Variants in ANKRD1 observed in about 807,000 individuals in gnomAD.
The protein encoded by ANKRD1 is ankyrin repeat domain 1, also known as ankyrin repeat domain-containing protein 1.
ANKRD1 carries 32 observed loss-of-function variants against 40.1 expected under a neutral mutation model. The ratio of observed to expected loss-of-function variants is 0.80; its 90% CI spans 0.60 to 1.07. The LOEUF is 1.07. ANKRD1 is among the 50% of genes least tolerant of loss of function. ANKRD1 has a pLI of 0.00. For synonymous variants in ANKRD1, 149 were observed against 141.2 expected, an observed-to-expected ratio of 1.06 and a Z score of -0.39; for missense variants, 359 against 386.0, an observed-to-expected ratio of 0.93 and a Z score of 0.59.
Position 90,912,118 on chromosome 10 carries a change from T to G in ANKRD1, c.*748A>C, listed in dbSNP as rs1479844832. On this transcript the variant is annotated 3_prime_UTR_variant, in exon 9 of 9. Coordinates refer to ENST00000371697, the MANE Select transcript of ANKRD1 (RefSeq NM_014391.3). Reference sequence around the variant, plus strand: ...AGGTTTAGAGTTTGATTGCCTTTATTATGAATATAAAATGTACATACAATA... The same window carrying G: ...AGGTTTAGAGTTTGATTGCCTTTATGATGAATATAAAATGTACATACAATA... The G allele has an allele frequency of 6.6e-6, 1 of 151,814 alleles. No homozygotes were observed. Among genetic ancestry groups the G allele is most frequent in the Non-Finnish European group, 1.5e-5 (1 of 67,940 alleles). 9.4% of individuals were successfully genotyped at this position (151,814 alleles called of 1,614,324 possible). A position where few individuals can be genotyped will look rare whatever the true frequency, so the allele number is the denominator to read the frequency against.
intron 8 of ANKRD1, among the ~76,000 whole-genome samples, chr10:90,913,807 A>G (rs1297786869): frequency 6.6e-6 from 1 of 152,192 alleles, no homozygotes; most frequent in Non-Finnish European, 1.5e-5. Context: ...TAAGATTAGT[A>G]TGAATTGGCA....
chr10:90,914,893 A>G (rs1197911730), intron 8 of ANKRD1, among the ~76,000 whole-genome samples: 3 of 152,214 alleles, frequency 2.0e-5, no homozygotes, highest in African/African-American at 7.2e-5. Context: ...CTGCTTACAG[A>G]TGAAGTTAAA....
At position 90,912,305 on chromosome 10, in the gene ANKRD1, A is replaced by C. The variant is rs1427857452; in HGVS notation, c.*561T>G. On this transcript the variant is annotated 3_prime_UTR_variant, in exon 9 of 9. Transcript: ENST00000371697. ...TGTGTACTCGGTAAAAAAAAAAAAA[A>C]AAAAAAAAAAAAAAAATCCAGCCTG... 6.6e-6 allele frequency: 1 copy of C among 151,904 alleles called. No homozygotes were observed. Among genetic ancestry groups the C allele is most frequent in the Non-Finnish European group, 1.5e-5 (1 of 68,920 alleles). The allele number at this position is 151,904 out of a possible 1,614,324, so 9.4% of individuals were successfully genotyped here.
chr10:90,919,768 T>G lies in ANKRD1; in HGVS notation c.207+401A>C, dbSNP rs367611686. Among the ~76,000 whole-genome samples the G allele has an allele frequency of 2.2e-3, 330 of 152,294 alleles. 1 individual carries two copies. Among genetic ancestry groups the G allele is most frequent in the Middle Eastern group, 0.01 (3 of 294 alleles). On this transcript the variant is annotated intron_variant, in intron 2 of 8. Transcript: ENST00000371697. ...AGCAAATTTTATCTGTGTTAGTAAT[T>G]AAGGAAAATTCACCCAGAAACACAG...
chr10:90,919,964 C>G (rs1847417229), intron 2 of ANKRD1, among the ~76,000 whole-genome samples: 1 of 152,210 alleles, frequency 6.6e-6, no homozygotes, highest in African/African-American at 2.4e-5. Context: ...CACATTTATT[C>G]ATTGATTCAG....
chr10:90,913,002 G>T, intron 8 of ANKRD1, 26 bp from the exon 9 acceptor site: 2 of 1,599,722 alleles, frequency 1.3e-6, no homozygotes, highest in South Asian at 2.2e-5. Context: ...AAGGAAAGTT[G>T]ACTTTCAGGT....
Position 90,918,991 on chromosome 10 carries a change from A to ATAGAT in ANKRD1, c.346-20_346-19insATCTA. ...GTTCCGTCTAAAGCCAAAATAAATA[A>ATAGAT]ATATATATATATATATATATATATA... On this transcript the variant is annotated intron_variant, in intron 3 of 8. Coordinates refer to ENST00000371697, the MANE Select transcript of ANKRD1 (RefSeq NM_014391.3). 1 of 266,494 alleles carries ATAGAT rather than the reference A, an allele frequency of 3.8e-6. No homozygotes were observed. The highest frequency in any genetic ancestry group is 7.3e-5 in the African/African-American group (1 of 13,658). The allele number at this position is 266,494 out of a possible 1,614,324, so 16.5% of individuals were successfully genotyped here.
Position 90,915,566 on chromosome 10 carries a change from C to T in ANKRD1, c.826G>A (p.Ala276Thr). The T allele has an allele frequency of 1.2e-6, 2 of 1,613,976 alleles. No individual in the cohort carries two copies. The highest frequency in any genetic ancestry group is 1.3e-5 in the African/African-American group (1 of 74,998). The change falls in exon 8 of 9, where the codon GCG (alanine) becomes ACG (threonine). Residue 276 changes from alanine to threonine, a missense_variant. By Grantham distance (58) the Ala-to-Thr change is moderately conservative. Coordinates refer to ENST00000371697, the MANE Select transcript of ANKRD1 (RefSeq NM_014391.3). ...ACACAGTTCTTGATGTTGAGATCCGCGCCATACATAATCAGGAGTCGGATC... is the reference window on the plus strand; with the variant it reads ...ACACAGTTCTTGATGTTGAGATCCGTGCCATACATAATCAGGAGTCGGATC... ...KMIRLLIMYG[A>T]DLNIKNCAGK...
At chr10:90,915,746 A>T in intron 7 of ANKRD1, 36 bp downstream of exon 7, 1 of 1,612,640 alleles carries the variant, frequency 6.2e-7, no homozygotes, top group Non-Finnish European at 8.5e-7. Flanking sequence ...AAAAGCAATG[A>T]AGCTTTGGGA....
At position 90,917,735 on chromosome 10, in the gene ANKRD1, A is replaced by G. The variant is rs377313992; in HGVS notation, c.549T>C (p.Asp183=). The change falls in exon 5 of 9, where the codon GAT becomes GAC. Residue 183 remains aspartate (D), a synonymous_variant. Transcript: ENST00000371697. Reference sequence around the variant, plus strand: ...CCAAGCAAAGAAATATATTTACCATATCACGGAATTCGATCTGGGCTCCAG... The same window carrying G: ...CCAAGCAAAGAAATATATTTACCATGTCACGGAATTCGATCTGGGCTCCAG... ...MEAGAQIEFR[D]MLESTAIHWA... is the part of the protein sequence containing the mutation. 2.5e-6 allele frequency: 4 copies of G among 1,613,306 alleles called. No homozygotes were observed. The African/African-American group carries it at 5.3e-5, about 22-fold the overall frequency.
Position 90,921,017 on chromosome 10 carries a change from A to G in ANKRD1, c.11T>C (p.Leu4Pro). MMVLKVEELVTGKK... is the reference protein window; with the variant it reads MMVPKVEELVTGKK... ...CTTACATACCAGTTCCTCTACTTTC[A>G]GTACCATCATGTTGGCTGAAGGAGT... The change falls in exon 1 of 9, where the codon CTG becomes CCG. Residue 4 changes from leucine (L) to proline (P), a missense_variant. Coordinates refer to ENST00000371697, the MANE Select transcript of ANKRD1 (RefSeq NM_014391.3). The G allele has an allele frequency of 6.2e-7, 1 of 1,614,056 alleles. No individual in the cohort carries two copies. The highest frequency in any genetic ancestry group is 1.1e-5 in the South Asian group (1 of 91,090).
intron 1 of ANKRD1, 38 bp from the exon 2 acceptor site, chr10:90,920,386 C>G (rs761411029): frequency 1.2e-6 from 2 of 1,611,792 alleles, no homozygotes; most frequent in Non-Finnish European, 1.7e-6. Context: ...GAAGCAGCAG[C>G]CTCGTCCTGG....
rs747854507 is a variant in ANKRD1 at position 90,912,955 on chromosome 10, G to T, written c.871C>A (p.Leu291Met). 1 of 1,614,090 alleles carries T rather than the reference G, an allele frequency of 6.2e-7. No individual in the cohort carries two copies. The highest frequency in any genetic ancestry group is 8.5e-7 in the Non-Finnish European group (1 of 1,179,938). ...GTTCCATTCTGCCAGTGTAGCACCA[G>T]ATCCATCGGCGTCTTCCCAGCCTAA... ...KNCAGKTPMD[L>M]VLHWQNGTKA... The change falls in exon 9 of 9, where the codon CTG becomes ATG. Residue 291 changes from leucine (L) to methionine (M), a missense_variant. Coordinates refer to ENST00000371697, the MANE Select transcript of ANKRD1 (RefSeq NM_014391.3).
chr10:90,915,951 T>C (rs1847365990), intron 6 of ANKRD1, 71 bp from the exon 7 acceptor site: 1 of 1,485,116 alleles, frequency 6.7e-7, no homozygotes, highest in African/African-American at 1.4e-5. Context: ...CCAAGACATG[T>C]GCGAGGGGGA....
At chr10:90,915,508 G>A (rs1847358406) in intron 8 of ANKRD1, 35 bp downstream of exon 8, 3 of 1,569,746 alleles carry the variant, frequency 1.9e-6, no homozygotes, top group Admixed American at 1.7e-5. Context: ...AAATTGGAAA[G>A]CTTGCAAGCG....
intron 3 of ANKRD1, 47 bp from the exon 4 acceptor site, chr10:90,919,019 A>G (rs762503026): frequency 2.8e-6 from 4 of 1,453,748 alleles, no homozygotes; most frequent in African/African-American, 3.7e-5. Flanking sequence ...TATATATAGC[A>G]TGAGAGTTAC....
intron 8 of ANKRD1, 27 bp from the exon 9 acceptor site, chr10:90,913,003 A>G (rs747156370): frequency 6.3e-7 from 1 of 1,597,838 alleles, no homozygotes; most frequent in South Asian, 1.1e-5. Flanking sequence ...AGGAAAGTTG[A>G]CTTTCAGGTG....
At chr10:90,917,608 G>A in intron 5 of ANKRD1, 124 bp downstream of exon 5, 1 of 786,146 alleles carries the variant, frequency 1.3e-6, no homozygotes, top group South Asian at 1.6e-5. Flanking sequence ...GGAGAAATGA[G>A]CTTTTGCCTA....
At chr10:90,917,228 T>C (rs895903639) in intron 5 of ANKRD1, among the ~76,000 whole-genome samples, 5 of 152,238 alleles carry the variant, frequency 3.3e-5, no homozygotes, top group Non-Finnish European at 7.3e-5. Flanking sequence ...CTGGTCTTCG[T>C]AGAAATCACA....
Sources: allele counts gnomAD v4.1 joint callset (sites outside exome capture counted in the v4.1 genomes callset), GRCh38; gene constraint gnomAD v4.1.1; transcripts MANE v1.5; gene names NCBI Gene and HGNC (gene_info 2026-07-23, HGNC 2026-07-21).